Variants in CHODL observed in about 807,000 individuals in gnomAD.
The protein encoded by CHODL is transmembrane protein MT75.
In CHODL, 29 loss-of-function variants were observed where a neutral mutation model predicts 34.5. The ratio of observed to expected loss-of-function variants is 0.84; its 90% CI spans 0.63 to 1.15. The LOEUF is 1.15. Ranked by LOEUF, CHODL falls within the 50% of genes most tolerant of loss-of-function variation. The pLI is 0.00. For synonymous variants in CHODL, 125 were observed against 116.1 expected, an observed-to-expected ratio of 1.08 and a Z score of -0.49; for missense variants, 332 against 332.5, an observed-to-expected ratio of 1.00 and a Z score of 0.01.
intron 2 of CHODL, among the ~76,000 whole-genome samples, chr21:18,190,867 A>G (rs1485441300): frequency 6.6e-6 from 1 of 152,158 alleles, no homozygotes; most frequent in Non-Finnish European, 1.5e-5. Flanking sequence ...CAAGAAAAAT[A>G]TTTTGCTGGG....
intron 1 of CHODL, among the ~76,000 whole-genome samples, chr21:18,024,214 A>C (rs1231355476): frequency 2.6e-5 from 4 of 152,224 alleles, no homozygotes; most frequent in African/African-American, 9.6e-5. Context: ...TGTTTAGAAT[A>C]TATTTTGGAA....
chr21:17,978,494 G>A (rs1256444015), intron 1 of CHODL, among the ~76,000 whole-genome samples: 4 of 151,618 alleles, frequency 2.6e-5, no homozygotes, highest in Admixed American at 6.6e-5. Flanking sequence ...CGAGGTGGGC[G>A]GATCATAAGG....
intron 2 of CHODL, among the ~76,000 whole-genome samples, chr21:18,239,244 C>T (rs73206915): frequency 0.071 from 10,721 of 151,992 alleles, 492 homozygotes; most frequent in Middle Eastern, 0.15. Context: ...GAAAGGTTTA[C>T]GGGTGCTGAT....
chr21:18,089,425 G>C (rs2065045524), intron 2 of CHODL, among the ~76,000 whole-genome samples: 1 of 152,092 alleles, frequency 6.6e-6, no homozygotes, highest in African/African-American at 2.4e-5. Context: ...ATAGTGAGTA[G>C]AGAGAATTAT....
At chr21:18,172,922 T>A (rs1297532389) in intron 2 of CHODL, among the ~76,000 whole-genome samples, 1 of 152,168 alleles carries the variant, frequency 6.6e-6, no homozygotes, top group Non-Finnish European at 1.5e-5. Flanking sequence ...GCTGTGGTCC[T>A]CTCCCAAGCC....
intron 2 of CHODL, among the ~76,000 whole-genome samples, chr21:18,071,286 A>G (rs1174678479): frequency 1.3e-5 from 2 of 151,572 alleles, no homozygotes; most frequent in South Asian, 2.1e-4. Flanking sequence ...AGCTAGGACT[A>G]CAGGTGCATG....
intron 2 of CHODL, among the ~76,000 whole-genome samples, chr21:18,217,465 T>C (rs896059406): frequency 2.0e-5 from 3 of 152,014 alleles, no homozygotes; most frequent in Non-Finnish European, 2.9e-5. Flanking sequence ...TCACTTATTA[T>C]GAGAACAGCA....
intron 2 of CHODL, among the ~76,000 whole-genome samples, chr21:18,125,948 A>C (rs2065538540): frequency 6.6e-6 from 1 of 152,222 alleles, no homozygotes; most frequent in Admixed American, 6.5e-5. Flanking sequence ...AAACAGTATC[A>C]CATGCTACAG....
chr21:17,966,693 G>T (rs572242351), intron 1 of CHODL, among the ~76,000 whole-genome samples: 24 of 152,262 alleles, frequency 1.6e-4, no homozygotes, highest in African/African-American at 5.5e-4. Flanking sequence ...TAGAGTTGGG[G>T]TCATTAACTT....
At chr21:18,168,377 G>T (rs1056713081) in intron 2 of CHODL, among the ~76,000 whole-genome samples, 1 of 152,176 alleles carries the variant, frequency 6.6e-6, no homozygotes, top group African/African-American at 2.4e-5. Flanking sequence ...ATAGTCAGTG[G>T]GTGGCAGAGC....
intron 1 of CHODL, among the ~76,000 whole-genome samples, chr21:17,945,301 C>A (rs1441611363): frequency 6.6e-6 from 1 of 151,020 alleles, no homozygotes; most frequent in Non-Finnish European, 1.5e-5. Context: ...GAATAATACT[C>A]ATAAACAAGT....
chr21:17,939,032 T>C (rs1369144394), intron 1 of CHODL, among the ~76,000 whole-genome samples: 1 of 152,202 alleles, frequency 6.6e-6, no homozygotes, highest in African/African-American at 2.4e-5. Context: ...AATTTGAAAA[T>C]GCAAACACAT....
In CHODL at chr21:18,224,903, C is replaced by T. The variant is rs796356438; in HGVS notation, c.-44-31606C>T. 1.4e-4 allele frequency among the ~76,000 whole-genome samples: 21 copies of T among 151,906 alleles called. 1 individual carries two copies. The highest frequency in any genetic ancestry group is 3.9e-4 in the African/African-American group (16 of 41,466). On this transcript the variant is annotated intron_variant, in intron 2 of 6. Transcript: ENST00000400127. ...CCACTGCTTGTTCTTTTCATCAGGG[C>T]GGCCTTAGGGAGGCTGGTATTATTC...
chr21:18,164,226 C>G, intron 2 of CHODL, among the ~76,000 whole-genome samples: 1 of 152,318 alleles, frequency 6.6e-6, no homozygotes, highest in East Asian at 1.9e-4. Context: ...TTGAAAGTCT[C>G]TGAGCTGCTC....
At chr21:18,186,123 C>T (rs1430033279) in intron 2 of CHODL, among the ~76,000 whole-genome samples, 1 of 152,116 alleles carries the variant, frequency 6.6e-6, no homozygotes, top group Non-Finnish European at 1.5e-5. Flanking sequence ...TGCTCTTTGA[C>T]CTCATTTTCT....
chr21:18,026,801 C>T (rs982066416), intron 1 of CHODL, among the ~76,000 whole-genome samples: 6 of 152,098 alleles, frequency 3.9e-5, no homozygotes, highest in African/African-American at 9.7e-5. Flanking sequence ...ATGTGGAGGG[C>T]GCACATTCTT....
intron 1 of CHODL, among the ~76,000 whole-genome samples, chr21:17,943,208 T>A (rs1311283362): frequency 6.6e-6 from 1 of 152,188 alleles, no homozygotes; most frequent in Admixed American, 6.5e-5. Flanking sequence ...CTAGGTAATA[T>A]AAGTGAAGTG....
intron 2 of CHODL, among the ~76,000 whole-genome samples, chr21:18,210,011 A>G (rs969125194): frequency 3.9e-5 from 6 of 152,172 alleles, no homozygotes; most frequent in Non-Finnish European, 8.8e-5. Context: ...TAAGTGGTGC[A>G]AGGACTCCTA....
chr21:18,199,305 A>C (rs1006926935), intron 2 of CHODL, among the ~76,000 whole-genome samples: 4 of 152,126 alleles, frequency 2.6e-5, no homozygotes, highest in Non-Finnish European at 5.9e-5. Flanking sequence ...AAAACTTATT[A>C]CTTTTTAATA....
Sources: allele counts gnomAD v4.1 joint callset (sites outside exome capture counted in the v4.1 genomes callset), GRCh38; gene constraint gnomAD v4.1.1; transcripts MANE v1.5; gene names NCBI Gene and HGNC (gene_info 2026-07-23, HGNC 2026-07-21).